The following SYN3 variants were observed in gnomAD, a reference collection of about 807,000 sequenced individuals.
SYN3 encodes the protein synapsin-3.
SYN3 carries 35 observed loss-of-function variants against 65.8 expected under a neutral mutation model. The observed-to-expected ratio is 0.53, with a 90% CI of 0.41 to 0.70. The LOEUF (loss-of-function observed/expected upper bound fraction) is 0.70, where lower values mean the gene tolerates loss of function less well. SYN3 is among the 30% of genes least tolerant of loss of function. The probability of loss-of-function intolerance (pLI) is 0.00; values close to 1 mark genes in which losing one functional copy is unlikely to be tolerated. For missense variants in SYN3, 680 were observed against 749.0 expected (o/e 0.91, Z 1.08); for synonymous variants, 270 against 292.9 (o/e 0.92, Z 0.80).
intron 6 of SYN3, among the ~76,000 whole-genome samples, chr22:32,710,781 A>G (rs992403245): frequency 6.6e-6 from 1 of 152,088 alleles, no homozygotes; most frequent in Non-Finnish European, 1.5e-5. Flanking sequence ...CGAGAAACCA[A>G]GCAGATGCCA....
intron 1 of SYN3, among the ~76,000 whole-genome samples, chr22:33,024,208 C>G (rs2053604143): frequency 6.6e-6 from 1 of 152,222 alleles, no homozygotes; most frequent in South Asian, 2.1e-4. Context: ...ACCCTCCAGA[C>G]TGGGTATGGT....
intron 6 of SYN3, among the ~76,000 whole-genome samples, chr22:32,700,479 A>T (rs2060796746): frequency 1.3e-5 from 2 of 152,334 alleles, no homozygotes; most frequent in South Asian, 4.1e-4. Flanking sequence ...GACTAGAAAA[A>T]CAAACAAGAA....
chr22:32,810,276 A>G (rs2046881783), intron 6 of SYN3, among the ~76,000 whole-genome samples: 1 of 152,134 alleles, frequency 6.6e-6, no homozygotes, highest in African/African-American at 2.4e-5. Flanking sequence ...TGTGGCTAGG[A>G]TGGCTTTGCT....
At chr22:32,724,554 G>T (rs1289597894) in intron 6 of SYN3, among the ~76,000 whole-genome samples, 1 of 152,192 alleles carries the variant, frequency 6.6e-6, no homozygotes, top group Non-Finnish European at 1.5e-5. Context: ...AGGATTTCTG[G>T]AAGGATTCAG....
intron 2 of SYN3, among the ~76,000 whole-genome samples, chr22:32,987,792 G>A (rs1386134638): frequency 7.9e-5 from 12 of 152,124 alleles, no homozygotes; most frequent in Non-Finnish European, 1.8e-4. Context: ...AGCCTTATGT[G>A]GACTAGGCAC....
chr22:33,036,506 A>G (rs574056632), intron 1 of SYN3, among the ~76,000 whole-genome samples: 1 of 152,172 alleles, frequency 6.6e-6, no homozygotes, highest in African/African-American at 2.4e-5. Context: ...ATAACTTTAA[A>G]CCCTCATCAG....
At chr22:33,010,310 T>C (rs2053318563) in intron 1 of SYN3, among the ~76,000 whole-genome samples, 1 of 152,192 alleles carries the variant, frequency 6.6e-6, no homozygotes, top group Admixed American at 6.5e-5. Context: ...TTTATAGTTC[T>C]AGCTTTTCTG....
rs573288421 is a variant in SYN3, at chr22:32,959,184, C to A, written c.369+21461G>T. The stretch of plus-strand genomic sequence containing the variant: ...TTCTCATGGTAGTTGATAAGTTTCA[C>A]GAGATCTGATTGTTTTATCAGGGGT... On this transcript the variant is annotated intron_variant, in intron 3 of 13. Transcript: ENST00000358763. 9.2e-5 allele frequency among the ~76,000 whole-genome samples: 14 copies of A among 152,158 alleles called. No individual in the cohort carries two copies. The East Asian group carries it at 1.6e-3, about 17-fold the overall frequency.
intron 4 of SYN3, among the ~76,000 whole-genome samples, chr22:32,922,322 T>C (rs1025112478): frequency 6.6e-6 from 1 of 152,144 alleles, no homozygotes; most frequent in South Asian, 2.1e-4. Flanking sequence ...ACCCCATCCA[T>C]TGGTGTTTCA....
Position 32,769,799 on chromosome 22 carries a change from G to T in SYN3, c.711+95116C>A, listed in dbSNP as rs1396800713. ...CCCAAAGTGCTGGGATTACAGGCAT[G>T]AGCAACTGCGCCTGGCCTCTCCCTG... On this transcript the variant is annotated intron_variant, in intron 6 of 13. Transcript: ENST00000358763. Among the ~76,000 whole-genome samples, 5 of 152,130 alleles carry T rather than the reference G, an allele frequency of 3.3e-5. No homozygotes were observed. In the East Asian group the frequency reaches 9.6e-4, roughly 29 times the overall value.
At chr22:32,988,545 T>C (rs769673018) in intron 2 of SYN3, among the ~76,000 whole-genome samples, 1 of 151,878 alleles carries the variant, frequency 6.6e-6, no homozygotes, top group Non-Finnish European at 1.5e-5. Context: ...AAAGACAACA[T>C]AGCTAGCTCT....
At chr22:32,755,899 G>C (rs1430281993) in intron 6 of SYN3, among the ~76,000 whole-genome samples, 1 of 152,036 alleles carries the variant, frequency 6.6e-6, no homozygotes, top group Non-Finnish European at 1.5e-5. Context: ...CCATAAAAAA[G>C]AATGAGTCCA....
chr22:33,011,439 G>A (rs899210668), intron 1 of SYN3, among the ~76,000 whole-genome samples: 4 of 152,254 alleles, frequency 2.6e-5, no homozygotes, highest in Middle Eastern at 3.4e-3. Flanking sequence ...TGATCATAGT[G>A]TATTACCCTT....
chr22:33,033,178 C>T (rs1159881501), intron 1 of SYN3, among the ~76,000 whole-genome samples: 2 of 152,028 alleles, frequency 1.3e-5, no homozygotes, highest in Non-Finnish European at 2.9e-5. Context: ...GACGGGGTTT[C>T]ACCATGTTGG....
chr22:32,600,306 A>G (rs533073803), intron 6 of SYN3, among the ~76,000 whole-genome samples: 67 of 152,282 alleles, frequency 4.4e-4, no homozygotes, highest in African/African-American at 1.5e-3. Context: ...TACTCCTATG[A>G]GAATCTAATG....
At chr22:32,844,278 C>G (rs1037249193) in intron 6 of SYN3, among the ~76,000 whole-genome samples, 2 of 152,178 alleles carry the variant, frequency 1.3e-5, no homozygotes, top group Non-Finnish European at 2.9e-5. Flanking sequence ...TGCTGATGAA[C>G]AGCACATGTG....
chr22:32,798,685 CTTTT>C (rs751710119), intron 6 of SYN3, among the ~76,000 whole-genome samples: 3 of 92,500 alleles, frequency 3.2e-5, no homozygotes, highest in Non-Finnish European at 6.0e-5. Flanking sequence ...CATCTTCATT[CTTTT>C]TTTTTTTTTT....
At chr22:32,537,755 G>A (rs2058189171) in intron 9 of SYN3, among the ~76,000 whole-genome samples, 2 of 152,156 alleles carry the variant, frequency 1.3e-5, no homozygotes, top group Non-Finnish European at 2.9e-5. Context: ...ATGACATCAG[G>A]GTTCTACTCT....
intron 4 of SYN3, among the ~76,000 whole-genome samples, chr22:32,926,254 C>T (rs963456945): frequency 3.3e-5 from 5 of 152,200 alleles, no homozygotes; most frequent in Non-Finnish European, 5.9e-5. Context: ...AATATGAGCA[C>T]AGATTCCTAA....
Sources: allele counts gnomAD v4.1 joint callset (sites outside exome capture counted in the v4.1 genomes callset), GRCh38; gene constraint gnomAD v4.1.1; transcripts MANE v1.5; gene names NCBI Gene and HGNC (gene_info 2026-07-23, HGNC 2026-07-21).